PAMR1: variants seen among roughly 807,000 people sequenced by gnomAD.
PAMR1 encodes inactive serine protease PAMR1.
A neutral mutation model predicts 81.8 loss-of-function variants in PAMR1; 88 were observed. That is an observed-to-expected ratio of 1.08 (90% CI 0.91 to 1.28). PAMR1 has a LOEUF of 1.28. Among genes scored for constraint, PAMR1 ranks in the 50% most tolerant of loss-of-function variants. The probability of loss-of-function intolerance (pLI) is 0.00; values close to 1 mark genes in which losing one functional copy is unlikely to be tolerated. For missense variants in PAMR1, 935 were observed against 919.7 expected (o/e 1.02, Z -0.21); for synonymous variants, 336 against 345.3 (o/e 0.97, Z 0.30).
intron 4 of PAMR1, among the ~76,000 whole-genome samples, chr11:35,471,172 C>T (rs1458844620): frequency 6.6e-6 from 1 of 152,166 alleles, no homozygotes; most frequent in Non-Finnish European, 1.5e-5. Flanking sequence ...AATATTCTCT[C>T]CTCAAAGAGG....
At chr11:35,506,130 AGG>A (rs199869718) in intron 1 of PAMR1, among the ~76,000 whole-genome samples, 5 of 71,230 alleles carry the variant, frequency 7.0e-5, no homozygotes, top group Non-Finnish European at 1.4e-4. Context: ...AAAAAAAAAC[AGG>A]AAGAAAGAAA....
chr11:35,525,428 A>C, intron 1 of PAMR1, 85 bp downstream of exon 1: 1 of 1,117,296 alleles, frequency 9.0e-7, no homozygotes, highest in Non-Finnish European at 1.3e-6. Context: ...TGAGACTCCC[A>C]GTCCTGCTCC....
At chr11:35,459,670 TC>T (rs1856608560) in intron 6 of PAMR1, among the ~76,000 whole-genome samples, 1 of 152,212 alleles carries the variant, frequency 6.6e-6, no homozygotes, top group Admixed American at 6.5e-5. Context: ...CCCACCCAGT[TC>T]CTGGCATACT....
At chr11:35,455,024 T>C (rs535700501) in intron 6 of PAMR1, among the ~76,000 whole-genome samples, 1 of 152,152 alleles carries the variant, frequency 6.6e-6, no homozygotes, top group East Asian at 1.9e-4. Context: ...ACAGAGGAGG[T>C]CCCAAGAATG....
At chr11:35,450,454 T>A (rs1027454562) in intron 6 of PAMR1, among the ~76,000 whole-genome samples, 4 of 152,184 alleles carry the variant, frequency 2.6e-5, no homozygotes, top group Non-Finnish European at 5.9e-5. Flanking sequence ...AAAAGGGTAA[T>A]GGGTTTCTTA....
In PAMR1 at chr11:35,501,676, A is replaced by G. The variant is rs1320020014; in HGVS notation, c.74-7404T>C. Among the ~76,000 whole-genome samples, 57 of 152,314 alleles carry G rather than the reference A, an allele frequency of 3.7e-4. 2 individuals carry two copies. Among genetic ancestry groups the G allele is most frequent in the Non-Finnish European group, 2.9e-5 (2 of 68,028 alleles). On this transcript the variant is annotated intron_variant, in intron 1 of 10. Coordinates refer to ENST00000619888, the MANE Select transcript of PAMR1 (RefSeq NM_001001991.3). ...TCACTGCTCCCACATATGAGTAAGA[A>G]CACGCAATATTTATGGTTCTGTGCT...
At chr11:35,489,824 C>A (rs745623474) in intron 3 of PAMR1, among the ~76,000 whole-genome samples, 3 of 152,214 alleles carry the variant, frequency 2.0e-5, no homozygotes, top group Non-Finnish European at 4.4e-5. Flanking sequence ...ATTAACTGTT[C>A]TGTTAGCTAG....
At position 35,434,711 on chromosome 11, in the gene PAMR1, TG is replaced by T. The variant is rs774954835; in HGVS notation, c.1426del (p.His476MetfsTer12). ...CGCTCCCTTGTGTAGGCTGCCGTCATGCACCCCGCTGGTCCTCCTGTAGATG... is the reference window on the plus strand; with the variant it reads ...CGCTCCCTTGTGTAGGCTGCCGTCATCACCCCGCTGGTCCTCCTGTAGATG... ...AAIYRRTSGV[H>X]DGSLHKGAWF... On this transcript the variant is annotated frameshift_variant, in exon 10 of 11. Transcript: ENST00000619888. LOFTEE classifies it high-confidence loss of function. 8 of 1,614,068 alleles carry T rather than the reference TG, an allele frequency of 5.0e-6. No individual in the cohort carries two copies. The highest frequency in any genetic ancestry group is 6.8e-6 in the Non-Finnish European group (8 of 1,180,032).
In PAMR1 at chr11:35,474,789, A is replaced by G. The variant is rs778393819; in HGVS notation, c.380-45T>C. The G allele has an allele frequency of 2.1e-5, 28 of 1,333,904 alleles. No homozygotes were observed. In the South Asian group the frequency reaches 3.4e-4, roughly 16 times the overall value. 82.6% of individuals were successfully genotyped at this position (1,333,904 alleles called of 1,614,324 possible). A position where few individuals can be genotyped will look rare whatever the true frequency, so the allele number is the denominator to read the frequency against. On this transcript the variant is annotated intron_variant, in intron 3 of 10. Coordinates refer to ENST00000619888, the MANE Select transcript of PAMR1 (RefSeq NM_001001991.3). The stretch of plus-strand genomic sequence containing the variant: ...TTGGGACATAAAAATGGAGGTCAAT[A>G]GGAAAGAGACTAGAGAAGGTCTCAA...
intron 6 of PAMR1, among the ~76,000 whole-genome samples, chr11:35,460,312 C>CTT (rs1054098077): frequency 2.8e-5 from 4 of 141,360 alleles, no homozygotes; most frequent in East Asian, 2.0e-4. Flanking sequence ...CCTCCTCTTT[C>CTT]TTTTTTTTTT....
chr11:35,519,186 TG>T (rs1485602148), intron 1 of PAMR1, among the ~76,000 whole-genome samples: 1 of 152,192 alleles, frequency 6.6e-6, no homozygotes, highest in East Asian at 1.9e-4. Context: ...TCCAGGACAC[TG>T]GTGTCTGATA....
chr11:35,466,334 G>A (rs1312051789), intron 6 of PAMR1, among the ~76,000 whole-genome samples: 1 of 152,136 alleles, frequency 6.6e-6, no homozygotes, highest in East Asian at 1.9e-4. Flanking sequence ...AGTGAGCTGT[G>A]CCAAACCAGG....
intron 4 of PAMR1, among the ~76,000 whole-genome samples, chr11:35,473,138 G>T (rs1425608387): frequency 6.6e-6 from 1 of 152,100 alleles, no homozygotes; most frequent in Non-Finnish European, 1.5e-5. Context: ...GTGGTCTGGT[G>T]GTAGGTGATG....
chr11:35,528,321 C>T (rs1280159657), upstream of PAMR1, among the ~76,000 whole-genome samples: 1 of 152,164 alleles, frequency 6.6e-6, no homozygotes, highest in Non-Finnish European at 1.5e-5. Flanking sequence ...CAACCCTAGA[C>T]CCTTATCAGC....
intron 1 of PAMR1, among the ~76,000 whole-genome samples, chr11:35,500,795 C>T (rs548861615): frequency 6.6e-6 from 1 of 152,144 alleles, no homozygotes; most frequent in African/African-American, 2.4e-5. Context: ...ACCTGTACAG[C>T]ATGTTACTGT....
chr11:35,470,284 G>A (rs977666558), intron 5 of PAMR1, among the ~76,000 whole-genome samples: 4 of 152,186 alleles, frequency 2.6e-5, no homozygotes, highest in Admixed American at 6.5e-5. Flanking sequence ...CACCCTGTGT[G>A]AGCTCTAGAG....
At chr11:35,506,155 A>G (rs676701) in intron 1 of PAMR1, among the ~76,000 whole-genome samples, 47,165 of 150,788 alleles carry the variant, frequency 0.31, 7,475 homozygotes, top group African/African-American at 0.37. Context: ...AGCTTTTAAA[A>G]AATTCTACAA....
In PAMR1 at chr11:35,468,031, C is replaced by T. The variant is rs759148819; in HGVS notation, c.790G>A (p.Ala264Thr). The T allele has an allele frequency of 1.9e-6, 3 of 1,562,124 alleles. No homozygotes were observed. The highest frequency in any genetic ancestry group is 2.7e-5 in the African/African-American group (2 of 73,854). Reference protein sequence around the residue: ...KAGSYKCACLAGYTGQRCENL... With the variant: ...KAGSYKCACLTGYTGQRCENL... Reference sequence around the variant, plus strand: ...TCACAGCGCTGCCCAGTATAGCCTGCCAAGCAGGCACACTTGTAAGATCCA... The same window carrying T: ...TCACAGCGCTGCCCAGTATAGCCTGTCAAGCAGGCACACTTGTAAGATCCA... Residue 264 changes from alanine to threonine, a missense_variant, in exon 6 of 11, where the codon GCA becomes ACA. By Grantham distance (58) the Ala-to-Thr change is moderately conservative. Transcript: ENST00000619888.
intron 1 of PAMR1, among the ~76,000 whole-genome samples, chr11:35,513,170 C>G (rs1851104072): frequency 6.6e-6 from 1 of 152,154 alleles, no homozygotes; most frequent in Non-Finnish European, 1.5e-5. Context: ...ATTCTGAGAT[C>G]ACTGAAAATG....
Sources: gnomAD v4.1 joint callset for allele counts (sites outside exome capture counted in the v4.1 genomes callset) on GRCh38, gnomAD v4.1.1 for gene constraint, MANE v1.5 for transcripts, NCBI Gene and HGNC (gene_info 2026-07-23, HGNC 2026-07-21) for gene names.